MACROD2: variants seen among roughly 807,000 people sequenced by gnomAD.
The protein encoded by MACROD2 is ADP-ribose glycohydrolase MACROD2.
In MACROD2, 36 loss-of-function variants were observed where a neutral mutation model predicts 70.4. That is an observed-to-expected ratio of 0.51 (90% confidence interval 0.39 to 0.68). MACROD2 has a LOEUF of 0.68. MACROD2 is among the 30% of genes least tolerant of loss of function. The pLI is 0.00. For missense variants in MACROD2, 496 were observed against 538.4 expected, an observed-to-expected ratio of 0.92 and a Z score of 0.78; for synonymous variants, 172 against 178.8, an observed-to-expected ratio of 0.96 and a Z score of 0.30.
At chr20:15,301,046 A>C (rs2077637009) in intron 6 of MACROD2, among the ~76,000 whole-genome samples, 1 of 152,178 alleles carries the variant, frequency 6.6e-6, no homozygotes, top group Admixed American at 6.5e-5. Context: ...CAGAGAGGAG[A>C]ACGTGTTCTG....
intron 5 of MACROD2, among the ~76,000 whole-genome samples, chr20:14,858,663 C>T (rs2073281727): frequency 6.6e-6 from 1 of 152,126 alleles, no homozygotes; most frequent in African/African-American, 2.4e-5. Flanking sequence ...GATGCATCCA[C>T]TTGCCCGTGT....
At chr20:14,000,996 G>A (rs2052727006) in intron 1 of MACROD2, among the ~76,000 whole-genome samples, 1 of 152,142 alleles carries the variant, frequency 6.6e-6, no homozygotes, top group Admixed American at 6.6e-5. Flanking sequence ...AGTCTGAAAT[G>A]TTCTTTTTAC....
chr20:14,876,497 T>A (rs2073552996), intron 5 of MACROD2, among the ~76,000 whole-genome samples: 1 of 152,164 alleles, frequency 6.6e-6, no homozygotes, highest in African/African-American at 2.4e-5. Context: ...AATTTTTGTT[T>A]TAGTAGCAAT....
chr20:14,157,971 C>T (rs555371143), intron 3 of MACROD2, among the ~76,000 whole-genome samples: 2 of 152,192 alleles, frequency 1.3e-5, no homozygotes, highest in South Asian at 4.1e-4. Flanking sequence ...TATGATGGTT[C>T]TATTTTTTAG....
intron 4 of MACROD2, among the ~76,000 whole-genome samples, chr20:14,650,561 G>A (rs1348969057): frequency 2.0e-5 from 3 of 152,178 alleles, no homozygotes; most frequent in Non-Finnish European, 4.4e-5. Context: ...CTTCTTACAA[G>A]TTTAAGACTC....
At chr20:14,824,902 C>G (rs2072885189) in intron 5 of MACROD2, among the ~76,000 whole-genome samples, 1 of 152,078 alleles carries the variant, frequency 6.6e-6, no homozygotes, top group Non-Finnish European at 1.5e-5. Flanking sequence ...AAACACAGAG[C>G]TGCCCTGCAT....
intron 8 of MACROD2, among the ~76,000 whole-genome samples, chr20:15,624,560 C>G (rs2049175143): frequency 6.6e-6 from 1 of 152,048 alleles, no homozygotes; most frequent in South Asian, 2.1e-4. Context: ...AAGCTATGGC[C>G]CACAGACTGA....
At chr20:15,240,193 C>T (rs575018448) in intron 6 of MACROD2, among the ~76,000 whole-genome samples, 1 of 152,160 alleles carries the variant, frequency 6.6e-6, no homozygotes, top group African/African-American at 2.4e-5. Flanking sequence ...AAATGACAGT[C>T]TTGTTTGTTC....
intron 5 of MACROD2, among the ~76,000 whole-genome samples, chr20:14,732,673 C>A (rs962689491): frequency 6.6e-6 from 1 of 152,122 alleles, no homozygotes; most frequent in African/African-American, 2.4e-5. Flanking sequence ...TGCTCTGTTA[C>A]CTCACTTTGG....
chr20:14,925,028 CT>C (rs2122651697), intron 5 of MACROD2, among the ~76,000 whole-genome samples: 1 of 144,600 alleles, frequency 6.9e-6, no homozygotes. Flanking sequence ...TTTTTTTTTT[CT>C]TATTCACTTC....
rs149581719 is a variant in MACROD2 at position 15,945,892 on chromosome 20, T to C, written c.907+8348T>C. Among the ~76,000 whole-genome samples, 20 of 152,274 alleles carry C rather than the reference T, an allele frequency of 1.3e-4. No homozygotes were observed. The East Asian group carries it at 3.5e-3, about 27-fold the overall frequency. Reference sequence around the variant, plus strand: ...TTTGGAGCAGAGGACTTTCTTTGCCTGAGTGGGTAGGATGCAGGTGTGTCT... The same window carrying C: ...TTTGGAGCAGAGGACTTTCTTTGCCCGAGTGGGTAGGATGCAGGTGTGTCT... On this transcript the variant is annotated intron_variant, in intron 12 of 17. Transcript: ENST00000684519.
chr20:14,058,652 T>C (rs1329176861), intron 2 of MACROD2, among the ~76,000 whole-genome samples: 1 of 148,714 alleles, frequency 6.7e-6, no homozygotes, highest in Non-Finnish European at 1.5e-5. Flanking sequence ...TTACCTTTTT[T>C]TTTTTTTTTT....
At chr20:14,321,139 T>C (rs1307465412) in intron 3 of MACROD2, among the ~76,000 whole-genome samples, 1 of 151,820 alleles carries the variant, frequency 6.6e-6, no homozygotes, top group African/African-American at 2.4e-5. Context: ...CTGAGGTGGG[T>C]GGATCACTTG....
At chr20:16,019,993 G>A (rs1365936470) in intron 15 of MACROD2, among the ~76,000 whole-genome samples, 1 of 152,116 alleles carries the variant, frequency 6.6e-6, no homozygotes, top group Non-Finnish European at 1.5e-5. Context: ...CTGTGCCCAG[G>A]AAGAAAGGGC....
At chr20:14,461,283 A>G (rs370390519) in intron 3 of MACROD2, among the ~76,000 whole-genome samples, 3 of 152,006 alleles carry the variant, frequency 2.0e-5, no homozygotes, top group East Asian at 3.9e-4. Flanking sequence ...CCCCTTTATC[A>G]TTGTTTATTG....
At chr20:15,288,882 T>TATCG (rs960890913) in intron 6 of MACROD2, among the ~76,000 whole-genome samples, 4 of 151,886 alleles carry the variant, frequency 2.6e-5, no homozygotes, top group Non-Finnish European at 5.9e-5. Context: ...TCTATCTATC[T>TATCG]ATCTATCTAT....
chr20:14,651,531 G>T (rs1985678674), intron 4 of MACROD2, among the ~76,000 whole-genome samples: 1 of 152,208 alleles, frequency 6.6e-6, no homozygotes, highest in Non-Finnish European at 1.5e-5. Context: ...GATGGAGGTA[G>T]GGAGTCAGCT....
rs537904384 is a variant in MACROD2 at position 15,841,608 on chromosome 20, G to T, written c.646-21137G>T. ...ATTGTGAGAACAGTATTTACGGGAT[G>T]GTGCTAAGACATTCATGAGAAATCC... On this transcript the variant is annotated intron_variant, in intron 8 of 17. Transcript: ENST00000684519. Among the ~76,000 whole-genome samples, 99 of 152,144 alleles carry T rather than the reference G, an allele frequency of 6.5e-4. 1 individual carries two copies. Among genetic ancestry groups the T allele is most frequent in the African/African-American group, 2.3e-3 (96 of 41,512 alleles).
At position 14,282,743 on chromosome 20, in the gene MACROD2, A is replaced by G. The variant is rs143602342; in HGVS notation, c.271+197015A>G. Among the ~76,000 whole-genome samples the G allele has an allele frequency of 3.7e-4, 56 of 152,290 alleles. No individual in the cohort carries two copies. In the East Asian group the frequency reaches 0.011, roughly 29 times the overall value. ...GGCAAAGGAGGAGCAGGCGTATCAC[A>G]TGGTGAAATGGAGCAAGCAAGAGAG... is the stretch of plus-strand genomic sequence containing the variant. On this transcript the variant is annotated intron_variant, in intron 3 of 17. Coordinates refer to ENST00000684519, the MANE Select transcript of MACROD2 (RefSeq NM_001351661.2).
Sources: allele counts gnomAD v4.1 joint callset (sites outside exome capture counted in the v4.1 genomes callset), GRCh38; gene constraint gnomAD v4.1.1; transcripts MANE v1.5; gene names NCBI Gene and HGNC (gene_info 2026-07-23, HGNC 2026-07-21).